The following MYO9B variants were observed in gnomAD, a reference collection of about 807,000 sequenced individuals.
MYO9B encodes the protein myosin IXB.
MYO9B carries 71 observed loss-of-function variants against 229.5 expected under a neutral mutation model. The observed-to-expected ratio is 0.31, with a 90% CI of 0.26 to 0.38. MYO9B has a LOEUF of 0.38. Ranked by LOEUF, MYO9B falls within the 10% of genes least tolerant of loss-of-function variation. The pLI, the probability that MYO9B is intolerant of heterozygous loss-of-function variation, is 1.00. For missense variants in MYO9B, 2,255 were observed against 2,920.5 expected, an observed-to-expected ratio of 0.77 and a Z score of 5.25; for synonymous variants, 1,185 against 1,235.8, an observed-to-expected ratio of 0.96 and a Z score of 0.86.
chr19:17,132,879 C>G (rs531635778), intron 2 of MYO9B, among the ~76,000 whole-genome samples: 6 of 147,968 alleles, frequency 4.1e-5, no homozygotes, highest in Admixed American at 6.8e-5. Context: ...GACGGAGTCT[C>G]GCTCTGTCAC....
intron 1 of MYO9B, among the ~76,000 whole-genome samples, chr19:17,092,251 A>G (rs1347283365): frequency 2.6e-5 from 4 of 152,210 alleles, no homozygotes; most frequent in African/African-American, 9.6e-5. Flanking sequence ...CAGCTCAGCC[A>G]TAAGTCAGCC....
chr19:17,115,051 C>T (rs1188091630), intron 2 of MYO9B, among the ~76,000 whole-genome samples: 1 of 151,344 alleles, frequency 6.6e-6, no homozygotes, highest in Non-Finnish European at 1.5e-5. Flanking sequence ...TGCAGTGGTC[C>T]AGTCATAGTT....
At chr19:17,185,745 C>T (rs2072912645) in intron 17 of MYO9B, among the ~76,000 whole-genome samples, 176 bp from the exon 18 acceptor site, 1 of 152,078 alleles carries the variant, frequency 6.6e-6, no homozygotes, top group African/African-American at 2.4e-5. Context: ...AGGGATAGCG[C>T]AGGCTTGGGT....
Position 17,194,537 on chromosome 19 carries a change from T to G in MYO9B, c.3129-19T>G. The G allele has an allele frequency of 1.2e-6, 2 of 1,609,812 alleles. No individual in the cohort carries two copies. Among genetic ancestry groups the G allele is most frequent in the Non-Finnish European group, 1.7e-6 (2 of 1,178,706 alleles). On this transcript the variant is annotated intron_variant, in intron 21 of 39. Coordinates refer to ENST00000682292, the MANE Select transcript of MYO9B (RefSeq NM_004145.4). ...AGTGTTTGTTTCTGAACCAGCTGTC[T>G]GCTTTTTCCTCACTCCAGCTTCAGC...
chr19:17,198,327 G>A lies in MYO9B; in HGVS notation c.4238+19G>A. On this transcript the variant is annotated intron_variant, in intron 24 of 39. Transcript: ENST00000682292. ...ACTCTAAGTAAGTATTGGGCTTGGG[G>A]GAAACTCAGGCCACCAGAGGATGCC... is the stretch of plus-strand genomic sequence containing the variant. The A allele has an allele frequency of 1.2e-6, 2 of 1,612,470 alleles. No homozygotes were observed. The highest frequency in any genetic ancestry group is 1.7e-6 in the Non-Finnish European group (2 of 1,178,982).
intron 34 of MYO9B, 39 bp from the exon 35 acceptor site, chr19:17,207,063 ACCTCCCTCCCT>A: frequency 6.3e-7 from 1 of 1,595,410 alleles, no homozygotes; most frequent in South Asian, 1.1e-5. Context: ...GCTCCCTGGT[ACCTCCCTCCCT>A]CGGCCCTAGC....
At position 17,213,166 on chromosome 19, in the gene MYO9B, G is replaced by C. The variant is rs1011758872; in HGVS notation, c.*856G>C. The C allele has an allele frequency of 2.6e-5, 4 of 152,304 alleles. No individual in the cohort carries two copies. Among genetic ancestry groups the C allele is most frequent in the African/African-American group, 9.6e-5 (4 of 41,484 alleles). 9.4% of individuals were successfully genotyped at this position (152,304 alleles called of 1,614,324 possible). On this transcript the variant is annotated 3_prime_UTR_variant, in exon 40 of 40. Transcript: ENST00000682292. The stretch of plus-strand genomic sequence containing the variant: ...TATAGGTCAACAGGGACAACCTGGG[G>C]ATCTCTGGAGCAGGGCCCTCCTCTC...
intron 2 of MYO9B, among the ~76,000 whole-genome samples, chr19:17,139,876 T>C (rs1335856493): frequency 6.6e-6 from 1 of 152,062 alleles, no homozygotes; most frequent in African/African-American, 2.4e-5. Flanking sequence ...ACCCCGTCTC[T>C]ACTAAAAATA....
At chr19:17,091,461 C>T (rs2057637446) in intron 1 of MYO9B, among the ~76,000 whole-genome samples, 1 of 152,216 alleles carries the variant, frequency 6.6e-6, no homozygotes, top group Non-Finnish European at 1.5e-5. Flanking sequence ...AATCCCAGCA[C>T]TTTGGGAGGC....
chr19:17,144,492 G>A (rs189654712), intron 2 of MYO9B, among the ~76,000 whole-genome samples: 73 of 152,016 alleles, frequency 4.8e-4, no homozygotes, highest in Admixed American at 4.0e-3. Context: ...AGCTGCTCAG[G>A]AGGCTGAGAC....
intron 13 of MYO9B, among the ~76,000 whole-genome samples, chr19:17,175,178 T>C (rs112519522): frequency 0.064 from 9,585 of 149,982 alleles, 396 homozygotes; most frequent in Non-Finnish European, 0.093. Flanking sequence ...GAGGCTGAAG[T>C]AGGAGGATTG....
At chr19:17,194,159 G>A (rs532334315) in intron 21 of MYO9B, among the ~76,000 whole-genome samples, 1 of 140,240 alleles carries the variant, frequency 7.1e-6, no homozygotes, top group Non-Finnish European at 1.6e-5. Flanking sequence ...ACAACAGAGC[G>A]AGACTCTGTC....
chr19:17,212,159 A>C lies in MYO9B; in HGVS notation c.6323A>C (p.His2108Pro), dbSNP rs1262963261. The C allele has an allele frequency of 6.3e-7, 1 of 1,586,910 alleles. No individual in the cohort carries two copies. Among genetic ancestry groups the C allele is most frequent in the Admixed American group, 1.8e-5 (1 of 55,606 alleles). ...EPPARRPDQIHSVYITPGADL... is the reference protein window; with the variant it reads ...EPPARRPDQIPSVYITPGADL... Reference sequence around the variant, plus strand: ...CCTGCCCGCCGCCCGGACCAGATACATTCCGTGTACATCACGCCCGGGGCA... The same window carrying C: ...CCTGCCCGCCGCCCGGACCAGATACCTTCCGTGTACATCACGCCCGGGGCA... The change falls in exon 40 of 40, where the codon CAT becomes CCT. Residue 2108 changes from histidine to proline, a missense_variant. By Grantham distance (77) the His-to-Pro change is moderately conservative (BLOSUM62 -2). This residue lies in a region of MYO9B where 331 missense variants were observed against 332.5 expected (regional missense o/e 1.00). Coordinates refer to ENST00000682292, the MANE Select transcript of MYO9B (RefSeq NM_004145.4). This position sits in a 1 kb window ranked among gnomAD's most constrained non-coding sequence, Gnocchi z 5.4.
At chr19:17,111,494 A>C (rs1259405412) in intron 2 of MYO9B, among the ~76,000 whole-genome samples, 1 of 152,162 alleles carries the variant, frequency 6.6e-6, no homozygotes, top group South Asian at 2.1e-4. Flanking sequence ...AAATTAAATT[A>C]TATCTGCAGC....
At chr19:17,197,445 T>TAGATAGATAGATAGAC (rs1156939570) in intron 22 of MYO9B, among the ~76,000 whole-genome samples, 90 of 151,176 alleles carry the variant, frequency 6.0e-4, no homozygotes, top group African/African-American at 2.0e-3. Flanking sequence ...GATAGATAGA[T>TAGATAGATAGATAGAC]AGATACATAG....
At position 17,194,840 on chromosome 19, in the gene MYO9B, A is replaced by G. The variant is rs1366461340; in HGVS notation, c.3413A>G (p.His1138Arg). 1.9e-6 allele frequency: 3 copies of G among 1,613,306 alleles called. No homozygotes were observed. In the South Asian group the frequency reaches 3.3e-5, roughly 18 times the overall value. ...CAGAAAACCGTGGCGGCTGAAAGTC[A>G]CGAGAAAGTCCCCAGCAGCCGGGAG... ...PPQKTVAAES[H>R]EKVPSSREKR... The change falls in exon 22 of 40, where the codon CAC (histidine) becomes CGC (arginine). Residue 1138 changes from histidine (H) to arginine (R), a missense_variant. Transcript: ENST00000682292.
Position 17,154,135 on chromosome 19 carries a change from C to G in MYO9B, c.1098+69C>G, listed in dbSNP as rs949477414. On this transcript the variant is annotated intron_variant, in intron 5 of 39. Transcript: ENST00000682292. ...CGGCCTCAAGCTGTTTATGTATAGC[C>G]GGGAAGTCAGAGGCAGCCTGCCCTG... The G allele has an allele frequency of 4.7e-6, 7 of 1,502,454 alleles. No individual in the cohort carries two copies. In the Admixed American group the frequency reaches 1.0e-4, roughly 22 times the overall value. 93.1% of individuals were successfully genotyped at this position (1,502,454 alleles called of 1,614,324 possible).
intron 3 of MYO9B, among the ~76,000 whole-genome samples, chr19:17,148,432 G>C (rs73504416): frequency 6.6e-6 from 1 of 152,128 alleles, no homozygotes; most frequent in South Asian, 2.1e-4. Context: ...GCCAGAAGTC[G>C]GATATCAAGG....
chr19:17,159,489 G>A lies in MYO9B; in HGVS notation c.1419+5G>A, dbSNP rs1364076032. 1 of 1,604,582 alleles carries A rather than the reference G, an allele frequency of 6.2e-7. No homozygotes were observed. The highest frequency in any genetic ancestry group is 1.3e-5 in the African/African-American group (1 of 74,930). ...CTTCCCTACAGCCTCAGCGAGGTGA[G>A]CTCTGCCCAGGCACTCACAGGGTGC... On this transcript the variant is annotated splice_donor_5th_base_variant and intron_variant, in intron 8 of 39. Coordinates refer to ENST00000682292, the MANE Select transcript of MYO9B (RefSeq NM_004145.4).
Sources: gnomAD v4.1 joint callset for allele counts (sites outside exome capture counted in the v4.1 genomes callset) on GRCh38, gnomAD v4.1.1 for gene constraint, gnomAD v4.1.1 regional missense constraint, Gnocchi (gnomAD v3.1) non-coding constraint, MANE v1.5 for transcripts, NCBI Gene and HGNC (gene_info 2026-07-23, HGNC 2026-07-21) for gene names.